The following CENPC variants were observed in gnomAD, a reference collection of about 807,000 sequenced individuals.
CENPC encodes the protein CENP-C 1.
A neutral mutation model predicts 112.1 loss-of-function variants in CENPC; 63 were observed. The ratio of observed to expected loss-of-function variants is 0.56; its 90% CI spans 0.46 to 0.69. The LOEUF (loss-of-function observed/expected upper bound fraction) is 0.69. Among genes scored for constraint, CENPC ranks in the 30% least tolerant of loss-of-function variants. The pLI is 0.00. For synonymous variants in CENPC, 333 were observed against 367.6 expected, an observed-to-expected ratio of 0.91 and a Z score of 1.08; for missense variants, 1,000 against 1,103.8, an observed-to-expected ratio of 0.91 and a Z score of 1.33.
At position 67,514,283 on chromosome 4, in the gene CENPC, C is replaced by A; in HGVS notation, c.1235G>T (p.Arg412Ile). Residue 412 changes from arginine to isoleucine, a missense_variant, in exon 8 of 19, where the codon AGA becomes ATA. Physicochemically the swap from Arg to Ile is moderately conservative, Grantham distance 97 (BLOSUM62 -3). Transcript: ENST00000273853. ...MYSKNAEKPS[R>I]SKRTIKQKQR... ...TTTTTGTTTTATAGTCCTTTTGCTTCTAGATGGTTTTTCTGCATTCTTGGA... is the reference window on the plus strand; with the variant it reads ...TTTTTGTTTTATAGTCCTTTTGCTTATAGATGGTTTTTCTGCATTCTTGGA... The A allele has an allele frequency of 1.2e-6, 2 of 1,610,356 alleles. No homozygotes were observed. The highest frequency in any genetic ancestry group is 1.7e-6 in the Non-Finnish European group (2 of 1,177,798).
chr4:67,473,183 T>G (rs1422359360), intron 18 of CENPC, among the ~76,000 whole-genome samples: 1 of 151,974 alleles, frequency 6.6e-6, no homozygotes, highest in Admixed American at 6.6e-5. Flanking sequence ...TCCCGCCTCT[T>G]GCCTCCCTGA....
chr4:67,489,128 C>T (rs1725167664), intron 17 of CENPC, among the ~76,000 whole-genome samples: 1 of 151,512 alleles, frequency 6.6e-6, no homozygotes, highest in South Asian at 2.1e-4. Context: ...TTTTCAAATT[C>T]TATATTCTAC....
chr4:67,494,026 T>C, intron 13 of CENPC, 38 bp from the exon 14 acceptor site: 1 of 1,344,820 alleles, frequency 7.4e-7, no homozygotes, highest in Non-Finnish European at 1.0e-6. Context: ...ATACATAGTT[T>C]TTAGTTGATG....
chr4:67,489,826 T>C lies in CENPC; in HGVS notation c.2670+141A>G, dbSNP rs951400206. 1.4e-5 allele frequency: 9 copies of C among 656,958 alleles called. No individual in the cohort carries two copies. In the African/African-American group the frequency reaches 1.7e-4, roughly 12 times the overall value. 40.7% of individuals were successfully genotyped at this position (656,958 alleles called of 1,614,324 possible). ...TGTTGGCTGGTTGACTCTAAACAGATTTAACAAATAAAAACCTTTCTCTGT... is the reference window on the plus strand; with the variant it reads ...TGTTGGCTGGTTGACTCTAAACAGACTTAACAAATAAAAACCTTTCTCTGT... On this transcript the variant is annotated intron_variant, in intron 17 of 18. Coordinates refer to ENST00000273853, the MANE Select transcript of CENPC (RefSeq NM_001812.4).
At chr4:67,523,030 A>G (rs1216331954) in intron 5 of CENPC, among the ~76,000 whole-genome samples, 3 of 151,988 alleles carry the variant, frequency 2.0e-5, no homozygotes, top group Non-Finnish European at 2.9e-5. Context: ...GGAATGAATC[A>G]GCTGGGCATG....
intron 5 of CENPC, among the ~76,000 whole-genome samples, chr4:67,529,672 A>G (rs992320236): frequency 1.3e-5 from 2 of 152,184 alleles, no homozygotes; most frequent in Non-Finnish European, 2.9e-5. Context: ...ATTTTGTAAA[A>G]AACCTAAATA....
At chr4:67,511,633 GT>G (rs900359917) in intron 9 of CENPC, among the ~76,000 whole-genome samples, 91 of 152,216 alleles carry the variant, frequency 6.0e-4, no homozygotes, top group African/African-American at 2.1e-3. Context: ...AAAAAATATG[GT>G]TTAGGCAAAT....
chr4:67,516,639 A>G (rs1402590772), intron 7 of CENPC, among the ~76,000 whole-genome samples: 1 of 152,042 alleles, frequency 6.6e-6, no homozygotes, highest in Non-Finnish European at 1.5e-5. Flanking sequence ...AAAACTCTAT[A>G]AAAACTAATA....
chr4:67,490,382 G>T (rs1179300466), intron 16 of CENPC, among the ~76,000 whole-genome samples: 1 of 151,904 alleles, frequency 6.6e-6, no homozygotes, highest in Non-Finnish European at 1.5e-5. Flanking sequence ...ATAATAATAA[G>T]TTCATCTATT....
At chr4:67,493,094 C>T (rs925476951) in intron 14 of CENPC, 97 bp from the exon 15 acceptor site, 8 of 986,448 alleles carry the variant, frequency 8.1e-6, no homozygotes, top group Admixed American at 3.3e-5. Context: ...TTTCAAAGTA[C>T]CAAAGAATAT....
At chr4:67,528,788 C>T (rs1286167588) in intron 5 of CENPC, among the ~76,000 whole-genome samples, 3 of 152,088 alleles carry the variant, frequency 2.0e-5, no homozygotes, top group Non-Finnish European at 4.4e-5. Context: ...TATTAGTATA[C>T]AAATGTCTGC....
At chr4:67,494,181 T>C (rs1380337759) in intron 13 of CENPC, among the ~76,000 whole-genome samples, 193 bp from the exon 14 acceptor site, 2 of 152,210 alleles carry the variant, frequency 1.3e-5, no homozygotes, top group Non-Finnish European at 2.9e-5. Context: ...GGCTACCAAA[T>C]TGGCAAATAT....
intron 17 of CENPC, among the ~76,000 whole-genome samples, chr4:67,484,658 C>A (rs879848563): frequency 4.6e-5 from 7 of 152,228 alleles, no homozygotes; most frequent in Non-Finnish European, 1.0e-4. Context: ...TTTCACAAAC[C>A]AGTCCTTGGT....
Position 67,506,790 on chromosome 4 carries a change from T to G in CENPC, c.2049A>C (p.Glu683Asp). 1.9e-6 allele frequency: 3 copies of G among 1,593,556 alleles called. No homozygotes were observed. Among genetic ancestry groups the G allele is most frequent in the Non-Finnish European group, 2.6e-6 (3 of 1,170,160 alleles). ...TTATCCTTACAATACACGCATACCT[T>G]TCCTCTAAAACTGAAGTCTTATGCT... ...SGEHKTSVLE[E>D]SGPSRLNNNY... The change falls in exon 11 of 19, where the codon GAA becomes GAC. Residue 683 changes from glutamate (E) to aspartate (D), a missense_variant and splice_region_variant. Physicochemically the swap from Glu to Asp is conservative, Grantham distance 45. Transcript: ENST00000273853.
At chr4:67,488,444 A>C (rs890084023) in intron 17 of CENPC, among the ~76,000 whole-genome samples, 4 of 152,016 alleles carry the variant, frequency 2.6e-5, no homozygotes, top group African/African-American at 9.6e-5. Flanking sequence ...CCTCACTCTG[A>C]ACTTCCAAAT....
chr4:67,490,254 C>T, intron 16 of CENPC, 133 bp from the exon 17 acceptor site: 1 of 550,398 alleles, frequency 1.8e-6, no homozygotes. Context: ...AGAGCATTAA[C>T]TCTGGAGCTA....
intron 17 of CENPC, among the ~76,000 whole-genome samples, chr4:67,484,715 ATTTTTCCTTATTTTG>A (rs755571993): frequency 2.0e-5 from 3 of 152,052 alleles, no homozygotes; most frequent in Non-Finnish European, 2.9e-5. Flanking sequence ...GATTTCTTTT[ATTTTTCCTTATTTTG>A]TTTTTCCTTA....
At chr4:67,490,862 AT>A (rs1560422758) in intron 16 of CENPC, among the ~76,000 whole-genome samples, 31,567 of 70,278 alleles carry the variant, frequency 0.45, 4,413 homozygotes, top group Admixed American at 0.56. Flanking sequence ...ATATATATAT[AT>A]ATATATATAT....
At chr4:67,480,375 C>A (rs11737057) in intron 17 of CENPC, among the ~76,000 whole-genome samples, 1 of 152,022 alleles carries the variant, frequency 6.6e-6, no homozygotes, top group Non-Finnish European at 1.5e-5. Context: ...GGATTCACAG[C>A]TGAATTCTAT....
Sources: allele counts gnomAD v4.1 joint callset (sites outside exome capture counted in the v4.1 genomes callset), GRCh38; gene constraint gnomAD v4.1.1; transcripts MANE v1.5; gene names NCBI Gene and HGNC (gene_info 2026-07-23, HGNC 2026-07-21).